Variants in ELP4 observed in about 807,000 individuals in gnomAD.
ELP4 encodes elongator complex protein 4.
ELP4 carries 51 observed loss-of-function variants against 48.9 expected under a neutral mutation model. The observed-to-expected ratio is 1.04, with a 90% CI of 0.83 to 1.32. The LOEUF is 1.32. ELP4 is among the 40% of genes most tolerant of loss of function. The pLI is 0.00. For synonymous variants in ELP4, 210 were observed against 189.2 expected, an observed-to-expected ratio of 1.11 and a Z score of -0.90; for missense variants, 519 against 514.6, an observed-to-expected ratio of 1.01 and a Z score of -0.08.
rs765351129 is a variant in ELP4 at position 31,785,840 on chromosome 11, C to T, written c.*2316C>T. 5.1e-6 allele frequency: 1 copy of T among 195,868 alleles called. No individual in the cohort carries two copies. The highest frequency in any genetic ancestry group is 2.3e-5 in the African/African-American group (1 of 43,224). The allele number at this position is 195,868 out of a possible 1,614,324, so 12.1% of individuals were successfully genotyped here. On this transcript the variant is annotated 3_prime_UTR_variant, in exon 10 of 10. Transcript: ENST00000640961. ...CCATTTTGATACATTATGAAATATA[C>T]ACTCCATTAACAGATTTTTTTTAAT... is the stretch of plus-strand genomic sequence containing the variant.
chr11:31,567,787 A>T lies in ELP4; in HGVS notation c.382-26983A>T, dbSNP rs1391610913. Reference sequence around the variant, plus strand: ...AAGTGTGCAATAGCATTATGACTAAAAAATAAATAATTTAAAAAGACCTTA... The same window carrying T: ...AAGTGTGCAATAGCATTATGACTAATAAATAAATAATTTAAAAAGACCTTA... On this transcript the variant is annotated intron_variant, in intron 3 of 9. Transcript: ENST00000640961. Among the ~76,000 whole-genome samples the T allele has an allele frequency of 2.0e-5, 3 of 152,224 alleles. No homozygotes were observed. The East Asian group carries it at 5.8e-4, about 29-fold the overall frequency.
chr11:31,604,566 T>G (rs1957837841), intron 5 of ELP4, among the ~76,000 whole-genome samples: 1 of 151,948 alleles, frequency 6.6e-6, no homozygotes, highest in African/African-American at 2.4e-5. Flanking sequence ...TAAGAATATT[T>G]AATTTCAATT....
intron 3 of ELP4, among the ~76,000 whole-genome samples, chr11:31,589,545 C>T (rs1398098062): frequency 6.6e-6 from 1 of 152,036 alleles, no homozygotes; most frequent in Non-Finnish European, 1.5e-5. Context: ...AATTACAGAA[C>T]CTTGGATTCT....
intron 2 of ELP4, among the ~76,000 whole-genome samples, chr11:31,533,548 T>C (rs960834791): frequency 7.9e-5 from 12 of 151,366 alleles, no homozygotes; most frequent in Non-Finnish European, 1.5e-4. Flanking sequence ...CGGCTAATTT[T>C]TTTTTTCTTT....
intron 3 of ELP4, among the ~76,000 whole-genome samples, chr11:31,568,624 A>T (rs908317976): frequency 6.6e-6 from 1 of 152,202 alleles, no homozygotes; most frequent in African/African-American, 2.4e-5. Context: ...AAATAAAGCC[A>T]TACACTGACA....
intron 3 of ELP4, among the ~76,000 whole-genome samples, chr11:31,551,086 A>G (rs1956842230): frequency 6.6e-6 from 1 of 152,118 alleles, no homozygotes; most frequent in South Asian, 2.1e-4. Context: ...TTTGCAACTG[A>G]TTTTGGCATA....
intron 1 of ELP4, among the ~76,000 whole-genome samples, chr11:31,514,367 G>C (rs1956067660): frequency 6.6e-6 from 1 of 152,124 alleles, no homozygotes; most frequent in Non-Finnish European, 1.5e-5. Context: ...GCTGATGGGG[G>C]AGAAGCCCTG....
rs543161177 is a variant in ELP4, at chr11:31,716,139, C to T, written c.1143+65918C>T. On this transcript the variant is annotated intron_variant, in intron 9 of 9. Transcript: ENST00000640961. The stretch of plus-strand genomic sequence containing the variant: ...AAACCATCCTCCTGCCTCAGCCTCC[C>T]GAGTAGCTAGGACTACGGGCACACA... Among the ~76,000 whole-genome samples, 40 of 152,122 alleles carry T rather than the reference C, an allele frequency of 2.6e-4. No homozygotes were observed. The South Asian group carries it at 7.1e-3, about 27-fold the overall frequency.
intron 2 of ELP4, among the ~76,000 whole-genome samples, chr11:31,533,554 T>TC (rs1057253153): frequency 3.3e-5 from 5 of 150,842 alleles, no homozygotes; most frequent in Non-Finnish European, 7.4e-5. Flanking sequence ...ATTTTTTTTT[T>TC]CTTTTTGTAT....
At position 31,509,863 on chromosome 11, in the gene ELP4, A is replaced by C; in HGVS notation, c.79A>C (p.Thr27Pro). Residue 27 changes from threonine to proline, a missense_variant, in exon 1 of 10, where the codon ACC becomes CCC. Transcript: ENST00000640961. ...GGCGACAGCCAGCAAGAGCAACGTC[A>C]CCAGTTTCCAGAGGAGGGGTCCTAG... is the stretch of plus-strand genomic sequence containing the variant. ...AVATASKSNV[T>P]SFQRRGPRAS... 1 of 1,614,172 alleles carries C rather than the reference A, an allele frequency of 6.2e-7. No individual in the cohort carries two copies. The highest frequency in any genetic ancestry group is 8.5e-7 in the Non-Finnish European group (1 of 1,180,042).
chr11:31,763,572 G>T, intron 9 of ELP4: 1 of 1,556,134 alleles, frequency 6.4e-7, no homozygotes, highest in Non-Finnish European at 8.7e-7. Context: ...CCTTTTTTCA[G>T]CTAAAGCTTC....
intron 9 of ELP4, among the ~76,000 whole-genome samples, chr11:31,693,386 A>G (rs761891978): frequency 2.1e-4 from 31 of 151,072 alleles, no homozygotes; most frequent in Non-Finnish European, 1.5e-4. Flanking sequence ...TTCAATTCCC[A>G]CCTATGAGTA....
At chr11:31,608,412 C>A (rs879559133) in intron 5 of ELP4, among the ~76,000 whole-genome samples, 1 of 151,946 alleles carries the variant, frequency 6.6e-6, no homozygotes, top group Non-Finnish European at 1.5e-5. Context: ...GTGAGCAGAG[C>A]TTGTTTATGA....
chr11:31,629,833 G>A (rs951798998), intron 6 of ELP4, among the ~76,000 whole-genome samples: 1 of 143,990 alleles, frequency 6.9e-6, no homozygotes, highest in Admixed American at 7.1e-5. Context: ...AATCTAACAT[G>A]TTTGTTATCA....
At chr11:31,553,716 GCACACACAAA>G (rs1447230611) in intron 3 of ELP4, among the ~76,000 whole-genome samples, 1 of 97,436 alleles carries the variant, frequency 1.0e-5, no homozygotes, top group Non-Finnish European at 2.0e-5. Flanking sequence ...AAATCTCTTT[GCACACACAAA>G]CACACACACA....
chr11:31,685,862 C>T lies in ELP4; in HGVS notation c.1143+35641C>T, dbSNP rs1290664803. ...AGGAGAATCACTTCAACCTGGGAGG[C>T]GGAGGTTACAGTGATCCGAGATCAC... is the stretch of plus-strand genomic sequence containing the variant. On this transcript the variant is annotated intron_variant, in intron 9 of 9. Coordinates refer to ENST00000640961, the MANE Select transcript of ELP4 (RefSeq NM_019040.5). Among the ~76,000 whole-genome samples the T allele has an allele frequency of 2.0e-5, 3 of 150,462 alleles. No homozygotes were observed. The South Asian group carries it at 6.3e-4, about 32-fold the overall frequency.
chr11:31,581,745 G>C (rs1430085609), intron 3 of ELP4, among the ~76,000 whole-genome samples: 4 of 141,616 alleles, frequency 2.8e-5, no homozygotes, highest in Non-Finnish European at 6.0e-5. Context: ...TTTCTCTCAT[G>C]TTCTGTCTTT....
At position 31,678,517 on chromosome 11, in the gene ELP4, G is replaced by A. The variant is rs910367121; in HGVS notation, c.1143+28296G>A. Among the ~76,000 whole-genome samples, 129 of 134,662 alleles carry A rather than the reference G, an allele frequency of 9.6e-4. 2 individuals are homozygous for A. The highest frequency in any genetic ancestry group is 7.0e-3 in the Admixed American group (95 of 13,498). The allele number at this position is 134,662 out of a possible 152,430, so 88.3% of individuals were successfully genotyped here. A position where few individuals can be genotyped will look rare whatever the true frequency, so the allele number is the denominator to read the frequency against. On this transcript the variant is annotated intron_variant, in intron 9 of 9. Transcript: ENST00000640961. ...TGTATGTGTGTGTGTGTGTGTGTGT[G>A]TGTGTGTGTGTGTGTGTGTGTGTGT...
intron 3 of ELP4, among the ~76,000 whole-genome samples, chr11:31,574,514 CT>C (rs1362917132): frequency 6.6e-6 from 1 of 152,230 alleles, no homozygotes; most frequent in East Asian, 1.9e-4. Flanking sequence ...CCTGAGTAAC[CT>C]AACTGGGACA....
Sources: gnomAD v4.1 joint callset for allele counts (sites outside exome capture counted in the v4.1 genomes callset) on GRCh38, gnomAD v4.1.1 for gene constraint, MANE v1.5 for transcripts, NCBI Gene and HGNC (gene_info 2026-07-23, HGNC 2026-07-21) for gene names.